The following SNU13 variants were observed in gnomAD, a reference collection of about 807,000 sequenced individuals.
SNU13 encodes the protein small nuclear ribonucleoprotein 13.
A neutral mutation model predicts 12.4 loss-of-function variants in SNU13; 2 were observed. The ratio of observed to expected loss-of-function variants is 0.16; its 90% confidence interval spans 0.07 to 0.51. The LOEUF (loss-of-function observed/expected upper bound fraction) is 0.51. SNU13 is among the 20% of genes least tolerant of loss of function. The pLI is 0.96. For missense variants in SNU13, 66 were observed against 157.8 expected, an observed-to-expected ratio of 0.42 and a Z score of 3.12; for synonymous variants, 68 against 66.5, an observed-to-expected ratio of 1.02 and a Z score of -0.11.
chr22:41,688,869 A>C (rs1306269173), upstream of SNU13: 18 of 1,510,746 alleles, frequency 1.2e-5, no homozygotes, highest in South Asian at 2.2e-4. Context: ...CGTGCACCGG[A>C]AAAACTCACA....
Position 41,674,067 on chromosome 22 carries a change from G to A in SNU13, c.*866C>T, listed in dbSNP as rs571934578. The A allele has an allele frequency of 6.6e-6, 1 of 152,230 alleles. No homozygotes were observed. Among genetic ancestry groups the A allele is most frequent in the Non-Finnish European group, 1.5e-5 (1 of 68,072 alleles). The allele number at this position is 152,230 out of a possible 1,614,324, so 9.4% of individuals were successfully genotyped here. On this transcript the variant is annotated 3_prime_UTR_variant, in exon 3 of 3. Transcript: ENST00000401959. ...ACACAGGGGAAGGGCTCTCAGAGCT[G>A]GTGCCAAGTGTCCACCAAAGAAAGT...
chr22:41,681,895 C>G (rs180816630), intron 1 of SNU13, among the ~76,000 whole-genome samples: 4 of 152,288 alleles, frequency 2.6e-5, no homozygotes, highest in Admixed American at 2.6e-4. Flanking sequence ...TAAATACACA[C>G]CCATGTAGGG....
intron 2 of SNU13, among the ~76,000 whole-genome samples, chr22:41,675,916 A>G (rs913509224): frequency 6.9e-6 from 1 of 145,302 alleles, no homozygotes; most frequent in Non-Finnish European, 1.5e-5. Flanking sequence ...ATGCCCAGCT[A>G]ATTTTTTGTT....
rs377140661 is a variant in SNU13 at position 41,682,420 on chromosome 22, C to T, written c.4-2056G>A. 137 of 1,612,792 alleles carry T rather than the reference C, an allele frequency of 8.5e-5. No individual in the cohort carries two copies. In the African/African-American group the frequency reaches 1.7e-3, roughly 20 times the overall value. On this transcript the variant is annotated intron_variant, in intron 1 of 2. Coordinates refer to ENST00000401959, the MANE Select transcript of SNU13 (RefSeq NM_001003796.2). ...AGGATACCACGCGTGTCGGTTTGGACGGTCTGCTGCCCAGCACCGCAAGGA... is the reference window on the plus strand; with the variant it reads ...AGGATACCACGCGTGTCGGTTTGGATGGTCTGCTGCCCAGCACCGCAAGGA...
upstream of SNU13, chr22:41,690,473 T>G (rs2068350452): frequency 4.0e-6 from 3 of 741,268 alleles, no homozygotes; most frequent in East Asian, 8.0e-5. Flanking sequence ...GGCACCAGGG[T>G]CAGAGTTGAG....
chr22:41,674,726 G>A lies in SNU13; in HGVS notation c.*207C>T. Reference sequence around the variant, plus strand: ...TTCCAAAAAGGGAGGATAAAAGGATGAAGGATGGCAGAGGGAGGGAGGAAA... The same window carrying A: ...TTCCAAAAAGGGAGGATAAAAGGATAAAGGATGGCAGAGGGAGGGAGGAAA... On this transcript the variant is annotated 3_prime_UTR_variant, in exon 3 of 3. Coordinates refer to ENST00000401959, the MANE Select transcript of SNU13 (RefSeq NM_001003796.2). 1.6e-6 allele frequency: 1 copy of A among 640,946 alleles called. No individual in the cohort carries two copies. The allele number at this position is 640,946 out of a possible 1,614,324, so 39.7% of individuals were successfully genotyped here.
intron 2 of SNU13, among the ~76,000 whole-genome samples, chr22:41,677,229 A>G (rs2068222117): frequency 6.6e-6 from 1 of 152,226 alleles, no homozygotes; most frequent in East Asian, 1.9e-4. Flanking sequence ...TAAACCAGTT[A>G]ATAAGAATGA....
At chr22:41,688,567 G>A (rs1015672032) in intron 1 of SNU13, among the ~76,000 whole-genome samples, 3 of 152,218 alleles carry the variant, frequency 2.0e-5, no homozygotes, top group African/African-American at 7.2e-5. Context: ...CAGACCGTGC[G>A]GCAAAGCAAC....
In SNU13 at chr22:41,680,313, T is replaced by C; in HGVS notation, c.55A>G (p.Thr19Ala). Residue 19 changes from threonine (T) to alanine (A), a missense_variant, in exon 2 of 3, where the codon ACC (threonine) becomes GCC (alanine). By Grantham distance (58) the Thr-to-Ala change is moderately conservative (BLOSUM62 0). Coordinates refer to ENST00000401959, the MANE Select transcript of SNU13 (RefSeq NM_001003796.2). ...KAYPLADAHL[T>A]KKLLDLVQQS... ...TGAACGAGGTCCAGTAGCTTCTTGG[T>C]GAGGTGGGCATCGGCAAGGGGATAG... 1 of 1,613,932 alleles carries C rather than the reference T, an allele frequency of 6.2e-7. No homozygotes were observed. The highest frequency in any genetic ancestry group is 8.5e-7 in the Non-Finnish European group (1 of 1,179,948).
At chr22:41,681,080 C>G (rs1389081977) in intron 1 of SNU13, 1 of 152,200 alleles carries the variant, frequency 6.6e-6, no homozygotes, top group East Asian at 1.9e-4. Flanking sequence ...ACAAAGTTTT[C>G]TTTCCATTCC....
chr22:41,681,412 T>C (rs931351835), intron 1 of SNU13: 1 of 152,206 alleles, frequency 6.6e-6, no homozygotes, highest in Non-Finnish European at 1.5e-5. Flanking sequence ...ATCTTCATGG[T>C]TTAAAAGTCA....
chr22:41,688,889 G>A (rs1420747472), upstream of SNU13: 2 of 1,494,170 alleles, frequency 1.3e-6, no homozygotes, highest in Non-Finnish European at 1.8e-6. Flanking sequence ...AGAAGCAGCA[G>A]CGGAAATGGC....
chr22:41,688,817 A>T lies in SNU13; in HGVS notation c.-21T>A. 1.3e-6 allele frequency: 2 copies of T among 1,599,600 alleles called. No homozygotes were observed. The highest frequency in any genetic ancestry group is 1.7e-6 in the Non-Finnish European group (2 of 1,170,188). Reference sequence around the variant, plus strand: ...ACCATGGCTGCGGTTCCGCGGGCTCAGCACTCCTAGGGGAGCGCAGCTGAC... The same window carrying T: ...ACCATGGCTGCGGTTCCGCGGGCTCTGCACTCCTAGGGGAGCGCAGCTGAC... On this transcript the variant is annotated 5_prime_UTR_variant, in exon 1 of 3. Coordinates refer to ENST00000401959, the MANE Select transcript of SNU13 (RefSeq NM_001003796.2).
Position 41,674,885 on chromosome 22 carries a change from A to G in SNU13, c.*48T>C. 6.3e-7 allele frequency: 1 copy of G among 1,595,902 alleles called. No homozygotes were observed. Among genetic ancestry groups the G allele is most frequent in the Non-Finnish European group, 8.6e-7 (1 of 1,168,442 alleles). On this transcript the variant is annotated 3_prime_UTR_variant, in exon 3 of 3. Coordinates refer to ENST00000401959, the MANE Select transcript of SNU13 (RefSeq NM_001003796.2). The stretch of plus-strand genomic sequence containing the variant: ...TGCTAACACAGATAATATGATACAC[A>G]ACCTCAGGGGGGAAGCTGGCAGGGA...
rs797014726 is a variant in SNU13, at chr22:41,688,334, C to T, written c.3+460G>A. 4 of 155,276 alleles carry T rather than the reference C, an allele frequency of 2.6e-5. No individual in the cohort carries two copies. In the South Asian group the frequency reaches 7.9e-4, roughly 31 times the overall value. 9.6% of individuals were successfully genotyped at this position (155,276 alleles called of 1,614,324 possible). On this transcript the variant is annotated intron_variant, in intron 1 of 2. Transcript: ENST00000401959. ...ACCCATGGGAGATCTCCTCCTGAAC[C>T]CCAGCAACGGGGGTGGGGTGAGGTA...
At chr22:41,678,155 T>C (rs1454846515) in intron 2 of SNU13, among the ~76,000 whole-genome samples, 3 of 152,080 alleles carry the variant, frequency 2.0e-5, no homozygotes, top group Non-Finnish European at 4.4e-5. Context: ...TTTTGTATTT[T>C]TGGTAGAGAT....
In SNU13 at chr22:41,680,376, AC is replaced by A. The variant is rs766536302; in HGVS notation, c.4-13del. ...ACATCAGCCTCAGTCTATGGGGGGGACATAAAAATATCAGACAAATTGAGCC... is the reference window on the plus strand; with the variant it reads ...ACATCAGCCTCAGTCTATGGGGGGGAATAAAAATATCAGACAAATTGAGCC... On this transcript the variant is annotated splice_polypyrimidine_tract_variant and intron_variant, in intron 1 of 2. Coordinates refer to ENST00000401959, the MANE Select transcript of SNU13 (RefSeq NM_001003796.2). 3.8e-5 allele frequency: 60 copies of A among 1,599,850 alleles called. No homozygotes were observed. The highest frequency in any genetic ancestry group is 4.9e-5 in the Non-Finnish European group (58 of 1,173,562).
rs2068196593 is a variant in SNU13 at position 41,674,842 on chromosome 22, G to C, written c.*91C>G. ...GTACTACATTTTATAACAATAGAGAGTAGCTGAAAATACTACATGCTAACA... is the reference window on the plus strand; with the variant it reads ...GTACTACATTTTATAACAATAGAGACTAGCTGAAAATACTACATGCTAACA... On this transcript the variant is annotated 3_prime_UTR_variant, in exon 3 of 3. Transcript: ENST00000401959. 2 of 1,484,480 alleles carry C rather than the reference G, an allele frequency of 1.3e-6. No individual in the cohort carries two copies. Among genetic ancestry groups the C allele is most frequent in the East Asian group, 2.3e-5 (1 of 43,816 alleles). The allele number at this position is 1,484,480 out of a possible 1,614,324, so 92.0% of individuals were successfully genotyped here.
intron 1 of SNU13, among the ~76,000 whole-genome samples, chr22:41,682,137 G>A (rs1268771345): frequency 1.3e-5 from 2 of 152,076 alleles, no homozygotes; most frequent in Non-Finnish European, 2.9e-5. Context: ...CGGCCTTGGA[G>A]GCTGGACATA....
Sources: allele counts gnomAD v4.1 joint callset (sites outside exome capture counted in the v4.1 genomes callset), GRCh38; gene constraint gnomAD v4.1.1; transcripts MANE v1.5; gene names NCBI Gene and HGNC (gene_info 2026-07-23, HGNC 2026-07-21).